Variants in PDE7B observed in about 807,000 individuals in gnomAD.
The protein encoded by PDE7B is phosphodiesterase 7B.
A neutral mutation model predicts 56.2 loss-of-function variants in PDE7B; 29 were observed. The observed-to-expected ratio is 0.52, with a 90% CI of 0.38 to 0.70. The LOEUF is 0.70. Among genes scored for constraint, PDE7B ranks in the 30% least tolerant of loss-of-function variants. The pLI, the probability that PDE7B is intolerant of heterozygous loss-of-function variation, is 0.00. For missense variants in PDE7B, 490 were observed against 565.0 expected (o/e 0.87, Z 1.35); for synonymous variants, 197 against 196.9 (o/e 1.00, Z 0.00).
At chr6:136,103,517 G>C (rs1450937946) in intron 2 of PDE7B, among the ~76,000 whole-genome samples, 1 of 152,208 alleles carries the variant, frequency 6.6e-6, no homozygotes, top group East Asian at 1.9e-4. Flanking sequence ...TGAGATTTGG[G>C]ATCTGGATTT....
rs372567673 is a variant in PDE7B, at chr6:135,980,565, C to A, written c.82+33041C>A. 4.8e-3 allele frequency among the ~76,000 whole-genome samples: 733 copies of A among 152,116 alleles called. 7 individuals are homozygous for A. Among genetic ancestry groups the A allele is most frequent in the African/African-American group, 0.015 (627 of 41,494 alleles). On this transcript the variant is annotated intron_variant, in intron 2 of 12. Coordinates refer to ENST00000308191, the MANE Select transcript of PDE7B (RefSeq NM_018945.4). The stretch of plus-strand genomic sequence containing the variant: ...CATCTGACAAAGGGCTAATATCCAG[C>A]ATCTACAATGAACTCAAACAAATTT...
rs1451518436 is a variant in PDE7B, at chr6:135,904,745, T to TA, written c.22-42718dup. On this transcript the variant is annotated intron_variant, in intron 1 of 12. Transcript: ENST00000308191. ...TTAACTTGACTCTCCTTCATGGGGA[T>TA]ATACAGGGTCTCTGAAGAGATCTGT... Among the ~76,000 whole-genome samples, 4 of 152,216 alleles carry TA rather than the reference T, an allele frequency of 2.6e-5. No individual in the cohort carries two copies. In the South Asian group the frequency reaches 6.2e-4, roughly 24 times the overall value.
chr6:135,917,434 GT>G (rs532087793), intron 1 of PDE7B, among the ~76,000 whole-genome samples: 2 of 151,906 alleles, frequency 1.3e-5, no homozygotes, highest in Non-Finnish European at 2.9e-5. Context: ...AATTCTAAAA[GT>G]TTCATGTGGT....
chr6:136,101,091 G>A (rs1777553585), intron 2 of PDE7B, among the ~76,000 whole-genome samples: 1 of 152,320 alleles, frequency 6.6e-6, no homozygotes, highest in Admixed American at 6.5e-5. Flanking sequence ...AGTTGAACCA[G>A]CCTTGCATCC....
intron 2 of PDE7B, among the ~76,000 whole-genome samples, chr6:136,066,830 T>G (rs1776944523): frequency 6.6e-6 from 1 of 151,544 alleles, no homozygotes; most frequent in Admixed American, 6.6e-5. Context: ...ACTCCCTGAG[T>G]ATTCCTTTGG....
chr6:136,020,599 G>C (rs1436544148), intron 2 of PDE7B, among the ~76,000 whole-genome samples: 1 of 151,764 alleles, frequency 6.6e-6, no homozygotes, highest in Non-Finnish European at 1.5e-5. Context: ...CCATGTCCCA[G>C]AGCAGTTATT....
At chr6:136,110,712 A>ATTTTTT (rs10708902) in intron 3 of PDE7B, among the ~76,000 whole-genome samples, 1 of 126,822 alleles carries the variant, frequency 7.9e-6, no homozygotes, top group African/African-American at 2.9e-5. Flanking sequence ...ATTCTGCAAC[A>ATTTTTT]TTTTTTTTTT....
intron 1 of PDE7B, among the ~76,000 whole-genome samples, chr6:135,860,698 T>A (rs1775129070): frequency 6.6e-6 from 1 of 152,066 alleles, no homozygotes; most frequent in Admixed American, 6.6e-5. Context: ...TGTAAAATGC[T>A]TAGAACAGAG....
intron 2 of PDE7B, among the ~76,000 whole-genome samples, chr6:136,099,432 C>T (rs1272618008): frequency 2.6e-5 from 4 of 152,210 alleles, no homozygotes; most frequent in African/African-American, 9.6e-5. Context: ...TCCTCTCCAG[C>T]ATCTGTTGTT....
intron 2 of PDE7B, among the ~76,000 whole-genome samples, chr6:136,095,014 A>G (rs1056905450): frequency 6.6e-6 from 1 of 152,210 alleles, no homozygotes; most frequent in African/African-American, 2.4e-5. Context: ...CAGTCATCTC[A>G]GCAGAAACTT....
chr6:136,160,743 T>C (rs1778690544), intron 8 of PDE7B, among the ~76,000 whole-genome samples: 1 of 152,176 alleles, frequency 6.6e-6, no homozygotes, highest in Non-Finnish European at 1.5e-5. Context: ...CTGCCAGTCC[T>C]TCCAGCCTCA....
chr6:136,044,243 G>C (rs1007088171), intron 2 of PDE7B: 7 of 152,126 alleles, frequency 4.6e-5, no homozygotes, highest in African/African-American at 1.7e-4. Flanking sequence ...GTTACAATTA[G>C]TGTACATTTC....
chr6:136,070,876 C>T (rs1777038742), intron 2 of PDE7B, among the ~76,000 whole-genome samples: 1 of 152,108 alleles, frequency 6.6e-6, no homozygotes, highest in Admixed American at 6.6e-5. Context: ...CAAACCCAAA[C>T]TCTTGTCCAA....
chr6:136,093,064 A>G (rs914647442), intron 2 of PDE7B, among the ~76,000 whole-genome samples: 2 of 152,222 alleles, frequency 1.3e-5, no homozygotes, highest in Non-Finnish European at 2.9e-5. Context: ...ATAAACAGAT[A>G]TAATTTTCAT....
chr6:136,033,582 A>G (rs983354518), intron 2 of PDE7B, among the ~76,000 whole-genome samples: 2 of 152,042 alleles, frequency 1.3e-5, no homozygotes, highest in Non-Finnish European at 2.9e-5. Flanking sequence ...CACTCCTCCT[A>G]CTTCGCCCCA....
intron 2 of PDE7B, among the ~76,000 whole-genome samples, chr6:136,056,474 G>A (rs1248771860): frequency 7.7e-6 from 1 of 130,084 alleles, no homozygotes; most frequent in Non-Finnish European, 1.6e-5. Context: ...ACACTTTTCA[G>A]TAAGCCTTCA....
At chr6:135,914,461 T>A (rs1232592670) in intron 1 of PDE7B, among the ~76,000 whole-genome samples, 1 of 148,296 alleles carries the variant, frequency 6.7e-6, no homozygotes, top group Non-Finnish European at 1.5e-5. Flanking sequence ...CTTTTTGGAC[T>A]GGCTTATTTC....
chr6:136,007,191 G>C (rs761819728), intron 2 of PDE7B, among the ~76,000 whole-genome samples: 5 of 152,120 alleles, frequency 3.3e-5, no homozygotes, highest in Non-Finnish European at 5.9e-5. Context: ...CTTTACTTCT[G>C]TTTATGTAAT....
At chr6:136,189,333 G>A (rs982771951) in intron 12 of PDE7B, among the ~76,000 whole-genome samples, 1 of 152,194 alleles carries the variant, frequency 6.6e-6, no homozygotes, top group African/African-American at 2.4e-5. Context: ...GGAGGTTGAG[G>A]CGGGCAAATC....
Sources: gnomAD v4.1 joint callset for allele counts (sites outside exome capture counted in the v4.1 genomes callset) on GRCh38, gnomAD v4.1.1 for gene constraint, MANE v1.5 for transcripts, NCBI Gene and HGNC (gene_info 2026-07-23, HGNC 2026-07-21) for gene names.